The following CD44 variants were observed in gnomAD, a reference collection of about 807,000 sequenced individuals.
The protein encoded by CD44 is CD44 molecule (IN blood group).
Under a neutral mutation model 88.8 loss-of-function variants are expected in CD44, and 49 were observed. That is an observed-to-expected ratio of 0.55 (90% CI 0.44 to 0.70). The LOEUF (loss-of-function observed/expected upper bound fraction) is 0.70, where lower values mean the gene tolerates loss of function less well. Ranked by LOEUF, CD44 falls within the 30% of genes least tolerant of loss-of-function variation. The pLI is 0.00. For missense variants in CD44, 883 were observed against 913.8 expected (o/e 0.97, Z 0.43); for synonymous variants, 325 against 312.3 (o/e 1.04, Z -0.43).
intron 9 of CD44, among the ~76,000 whole-genome samples, chr11:35,202,339 T>A (rs1198831581): frequency 1.3e-5 from 2 of 152,188 alleles, no homozygotes; most frequent in East Asian, 3.9e-4. Flanking sequence ...CCATGGTAAC[T>A]TGGGGAAGGC....
chr11:35,186,798 A>G, intron 3 of CD44, 34 bp from the exon 4 acceptor site: 1 of 1,275,850 alleles, frequency 7.8e-7, no homozygotes, highest in Non-Finnish European at 1.1e-6. Context: ...TCATGTTTTT[A>G]AAGGGTTCTC....
intron 14 of CD44, among the ~76,000 whole-genome samples, chr11:35,213,442 G>A (rs1948568249): frequency 6.6e-6 from 1 of 152,192 alleles, no homozygotes. Flanking sequence ...CTTGAGGTCA[G>A]GAGTCTGAGA....
In CD44 at chr11:35,214,902, T is replaced by A; in HGVS notation, c.1861T>A (p.Ser621Thr). 1.3e-6 allele frequency: 2 copies of A among 1,557,914 alleles called. No homozygotes were observed. Among genetic ancestry groups the A allele is most frequent in the Non-Finnish European group, 1.7e-6 (2 of 1,152,550 alleles). Reference protein sequence around the residue: ...PSGGSHTTHGSESDGHSHGSQ... With the variant: ...PSGGSHTTHGTESDGHSHGSQ... ...TGGGGGGTCCCATACCACTCATGGA[T>A]CTGAATCAGATGGTGAGTTCAAAAC... Residue 621 changes from serine to threonine, a missense_variant, in exon 15 of 18, where the codon TCT (serine) becomes ACT (threonine). Around this residue, in one of 2 missense-constraint regions of CD44, gnomAD observed 631 missense variants for 590.9 expected, o/e 1.07. Transcript: ENST00000428726.
chr11:35,174,966 T>C (rs1220707965), intron 1 of CD44, among the ~76,000 whole-genome samples: 3 of 152,168 alleles, frequency 2.0e-5, no homozygotes, highest in Admixed American at 2.0e-4. Context: ...GACCAGGCTG[T>C]TGTGAAGACA....
intron 1 of CD44, among the ~76,000 whole-genome samples, chr11:35,174,019 A>G (rs1002019671): frequency 6.6e-6 from 1 of 152,196 alleles, no homozygotes; most frequent in Admixed American, 6.5e-5. Flanking sequence ...ATACATACAT[A>G]CATAAAACTC....
intron 12 of CD44, 27 bp downstream of exon 12, chr11:35,208,233 T>A: frequency 7.3e-7 from 1 of 1,373,550 alleles, no homozygotes; most frequent in South Asian, 1.2e-5. Flanking sequence ...TCAGCCACTT[T>A]ATTGACTTGT....
chr11:35,201,596 A>T, intron 8 of CD44, 75 bp from the exon 9 acceptor site: 1 of 1,560,282 alleles, frequency 6.4e-7, no homozygotes, highest in Non-Finnish European at 8.8e-7. Flanking sequence ...AATAGCATGC[A>T]CTTTAATGGA....
intron 14 of CD44, chr11:35,212,451 C>T (rs551229240): frequency 2.6e-5 from 4 of 152,110 alleles, no homozygotes; most frequent in African/African-American, 7.2e-5. Flanking sequence ...GGCTGGAGTC[C>T]AATGGTGCGA....
Position 35,229,302 on chromosome 11 carries a change from T to C in CD44, c.2198T>C (p.Leu733Pro). The C allele has an allele frequency of 6.2e-7, 1 of 1,613,412 alleles. No homozygotes were observed. Among genetic ancestry groups the C allele is most frequent in the African/African-American group, 1.3e-5 (1 of 75,008 alleles). The change falls in exon 18 of 18, where the codon CTG (leucine) becomes CCG (proline). Residue 733 changes from leucine (L) to proline (P), a missense_variant. Leu to Pro is a moderately conservative substitution (Grantham distance 98, BLOSUM62 -3). This residue lies in a region of CD44 where 631 missense variants were observed against 590.9 expected (regional missense o/e 1.07). Coordinates refer to ENST00000428726, the MANE Select transcript of CD44 (RefSeq NM_000610.4). The part of the protein sequence containing the change: ...QFMTADETRN[L>P]QNVDMKIGV ...ATGACAGCTGATGAGACAAGGAACC[T>C]GCAGAATGTGGACATGAAGATTGGG... is the stretch of plus-strand genomic sequence containing the variant.
At chr11:35,218,944 T>C (rs1949066939) in intron 15 of CD44, 1 of 204,704 alleles carries the variant, frequency 4.9e-6, no homozygotes, top group Non-Finnish European at 1.0e-5. Context: ...ATCCCCATCT[T>C]ACGAGTGTGA....
chr11:35,198,290 T>C (rs1946957704), intron 7 of CD44, 44 bp downstream of exon 7: 9 of 1,585,924 alleles, frequency 5.7e-6, no homozygotes, highest in Non-Finnish European at 7.8e-6. Flanking sequence ...GCAAGGCTTA[T>C]TGATTAATCT....
At chr11:35,139,883 C>T (rs1249294703) in intron 1 of CD44, among the ~76,000 whole-genome samples, 1 of 152,214 alleles carries the variant, frequency 6.6e-6, no homozygotes, top group Non-Finnish European at 1.5e-5. Context: ...AGAAAGGGGT[C>T]CTGGGTTCTC....
chr11:35,182,744 G>A (rs1008163608), intron 3 of CD44, among the ~76,000 whole-genome samples: 1 of 152,184 alleles, frequency 6.6e-6, no homozygotes, highest in Non-Finnish European at 1.5e-5. Flanking sequence ...GAAAGGGCTG[G>A]CATGAGGCTA....
chr11:35,149,057 G>T (rs2133121345), intron 1 of CD44, among the ~76,000 whole-genome samples: 1 of 152,252 alleles, frequency 6.6e-6, no homozygotes, highest in South Asian at 2.1e-4. Context: ...ATTGTATTTT[G>T]TCCAGTAGAA....
intron 1 of CD44, among the ~76,000 whole-genome samples, chr11:35,147,193 A>G (rs1859338260): frequency 6.6e-6 from 1 of 152,192 alleles, no homozygotes; most frequent in African/African-American, 2.4e-5. Context: ...TTGACTGGGA[A>G]ATGAGCCAAT....
At chr11:35,169,105 A>T (rs1306923412) in intron 1 of CD44, among the ~76,000 whole-genome samples, 2 of 152,188 alleles carry the variant, frequency 1.3e-5, no homozygotes, top group Non-Finnish European at 2.9e-5. Flanking sequence ...CTGATAGGTG[A>T]TCTTTTTGCA....
At chr11:35,161,973 CTATTA>C (rs1480504980) in intron 1 of CD44, among the ~76,000 whole-genome samples, 4 of 152,126 alleles carry the variant, frequency 2.6e-5, no homozygotes, top group Non-Finnish European at 4.4e-5. Flanking sequence ...CTGTCATTCT[CTATTA>C]TATTATCCTC....
Position 35,189,147 on chromosome 11 carries a change from TG to T in CD44, c.437-687del, listed in dbSNP as rs1311000819. Among the ~76,000 whole-genome samples the T allele has an allele frequency of 2.0e-5, 3 of 152,328 alleles. No individual in the cohort carries two copies. The East Asian group carries it at 5.8e-4, about 29-fold the overall frequency. ...TCTTCTCCAATTCATTCTAGTCATT[TG>T]TTGAAACCACAGATGTTGATCTTCA... On this transcript the variant is annotated intron_variant, in intron 4 of 17. Transcript: ENST00000428726.
intron 5 of CD44, 41 bp downstream of exon 5, chr11:35,190,106 C>T (rs1308127525): frequency 6.5e-7 from 1 of 1,535,984 alleles, no homozygotes; most frequent in African/African-American, 1.4e-5. Context: ...TAGCAATTCC[C>T]TGGCAAAATG....
Sources: allele counts gnomAD v4.1 joint callset (sites outside exome capture counted in the v4.1 genomes callset), GRCh38; gene constraint gnomAD v4.1.1; regional missense constraint gnomAD v4.1.1; transcripts MANE v1.5; gene names NCBI Gene and HGNC (gene_info 2026-07-23, HGNC 2026-07-21).